Variants in ARSG observed in about 807,000 individuals in gnomAD.
ARSG encodes the protein ASG.
Under a neutral mutation model 50.5 loss-of-function variants are expected in ARSG, and 37 were observed. The observed-to-expected ratio is 0.73, with a 90% CI of 0.56 to 0.96. The LOEUF (loss-of-function observed/expected upper bound fraction) is 0.96. Ranked by LOEUF, ARSG falls within the 50% of genes least tolerant of loss-of-function variation. ARSG has a pLI of 0.00. For missense variants in ARSG, 629 were observed against 675.3 expected (o/e 0.93, Z 0.76); for synonymous variants, 225 against 254.6 (o/e 0.88, Z 1.11).
chr17:68,336,101 G>A (rs926700996), intron 2 of ARSG, among the ~76,000 whole-genome samples: 1 of 151,536 alleles, frequency 6.6e-6, no homozygotes, highest in Admixed American at 6.6e-5. Context: ...GTTTCACTAC[G>A]TTGGCCAGGA....
intron 2 of ARSG, among the ~76,000 whole-genome samples, chr17:68,331,788 C>G (rs1041955638): frequency 2.6e-5 from 4 of 151,964 alleles, no homozygotes. Context: ...GCTGGGTGTC[C>G]GGGGGAGACA....
chr17:68,354,266 C>G (rs1183832449), intron 5 of ARSG, among the ~76,000 whole-genome samples: 1 of 151,104 alleles, frequency 6.6e-6, no homozygotes, highest in Non-Finnish European at 1.5e-5. Context: ...ACAGAAAATA[C>G]AAAAATTAGC....
intron 2 of ARSG, among the ~76,000 whole-genome samples, chr17:68,314,754 G>A (rs1555767938): frequency 6.6e-6 from 1 of 152,082 alleles, no homozygotes; most frequent in Non-Finnish European, 1.5e-5. Flanking sequence ...TTAGCATAGA[G>A]CCTAGCATAC....
downstream of ARSG, chr17:68,426,225 T>C (rs766614275): frequency 4.8e-6 from 5 of 1,034,928 alleles, no homozygotes; most frequent in East Asian, 1.4e-4. Flanking sequence ...TCTGCTTTTA[T>C]GCCATGACCT....
the ARSG span, among the ~76,000 whole-genome samples, chr17:68,442,874 G>A: frequency 6.6e-6 from 1 of 152,154 alleles, no homozygotes. Flanking sequence ...ACTAGATTTT[G>A]GGCTCCTGGT....
At position 68,385,054 on chromosome 17, in the gene ARSG, C is replaced by T. The variant is rs757073900; in HGVS notation, c.983-10C>T. 1 of 1,611,080 alleles carries T rather than the reference C, an allele frequency of 6.2e-7. No individual in the cohort carries two copies. Among genetic ancestry groups the T allele is most frequent in the Admixed American group, 1.7e-5 (1 of 60,004 alleles). Reference sequence around the variant, plus strand: ...CATGGATGAACCAGCTGCCTCCCCTCCTCTCACAGGGGGAAGTCCAGCCAA... The same window carrying T: ...CATGGATGAACCAGCTGCCTCCCCTTCTCTCACAGGGGGAAGTCCAGCCAA... On this transcript the variant is annotated splice_polypyrimidine_tract_variant and intron_variant, in intron 8 of 11. Transcript: ENST00000621439.
chr17:68,375,443 T>A (rs980790899), intron 8 of ARSG, among the ~76,000 whole-genome samples: 1 of 152,186 alleles, frequency 6.6e-6, no homozygotes, highest in African/African-American at 2.4e-5. Flanking sequence ...CAGGAATCTG[T>A]GTTTAAACAA....
chr17:68,269,037 G>T, intron 1 of ARSG: 1 of 1,592,754 alleles, frequency 6.3e-7, no homozygotes, highest in South Asian at 1.1e-5. Flanking sequence ...TTGTGTCCCC[G>T]TTGGGCCCAC....
At chr17:68,264,337 T>G (rs548170592) in intron 1 of ARSG, among the ~76,000 whole-genome samples, 2 of 152,360 alleles carry the variant, frequency 1.3e-5, no homozygotes, top group African/African-American at 4.8e-5. Context: ...GCTGAAAAGC[T>G]ACATTACATA....
intron 1 of ARSG, among the ~76,000 whole-genome samples, chr17:68,300,496 T>C (rs1408557916): frequency 6.6e-6 from 1 of 152,218 alleles, no homozygotes; most frequent in Non-Finnish European, 1.5e-5. Flanking sequence ...ATTTCAGACA[T>C]TGACCTGGAG....
chr17:68,413,070 C>T (rs1345381882), intron 11 of ARSG, among the ~76,000 whole-genome samples: 2 of 151,904 alleles, frequency 1.3e-5, no homozygotes, highest in Admixed American at 1.3e-4. Context: ...GTTTGAATGT[C>T]CTCCCATAGC....
At chr17:68,332,514 G>A (rs2077822243) in intron 2 of ARSG, among the ~76,000 whole-genome samples, 1 of 152,130 alleles carries the variant, frequency 6.6e-6, no homozygotes, top group Admixed American at 6.6e-5. Context: ...TATTGATTGG[G>A]GAAGTGATAA....
intron 6 of ARSG, among the ~76,000 whole-genome samples, chr17:68,364,693 A>G (rs1301419165): frequency 2.2e-4 from 33 of 152,212 alleles, no homozygotes; most frequent in Admixed American, 2.2e-3. Context: ...GCCTCATTCT[A>G]TGCTGGTGCA....
At chr17:68,318,086 C>T (rs1156677480) in intron 2 of ARSG, among the ~76,000 whole-genome samples, 1 of 130,584 alleles carries the variant, frequency 7.7e-6, no homozygotes, top group African/African-American at 3.0e-5. Flanking sequence ...GCGACAAGAG[C>T]GAGACTCTGT....
intron 8 of ARSG, among the ~76,000 whole-genome samples, chr17:68,383,868 T>C (rs2080565767): frequency 6.6e-6 from 1 of 152,210 alleles, no homozygotes; most frequent in Non-Finnish European, 1.5e-5. Flanking sequence ...CCCCACACCC[T>C]TAAACATAAA....
chr17:68,436,462 TAGAG>T, the ARSG span: 5 of 1,613,738 alleles, frequency 3.1e-6, no homozygotes, highest in East Asian at 6.7e-5. Context: ...GAATGGTTGA[TAGAG>T]AGAGCACATA....
intron 1 of ARSG, among the ~76,000 whole-genome samples, chr17:68,263,946 C>T (rs1253215087): frequency 6.6e-6 from 1 of 152,166 alleles, no homozygotes; most frequent in Non-Finnish European, 1.5e-5. Flanking sequence ...CAACCTCCAC[C>T]TCCCAGGTTC....
rs757584389 is a variant in ARSG, at chr17:68,343,618, A to ATGCAGCTGCC, written c.235_244dup (p.Ser82CysfsTer76). ...TTTCCCTGCAGGTTTGTGGATTTCC[A>ATGCAGCTGCC]TGCAGCTGCCTCCACCTGCTCACCC... On this transcript the variant is annotated frameshift_variant, in exon 3 of 12. Coordinates refer to ENST00000621439, the MANE Select transcript of ARSG (RefSeq NM_001267727.2). LOFTEE classifies it high-confidence loss of function. The ATGCAGCTGCC allele has an allele frequency of 6.2e-7, 1 of 1,609,876 alleles. No individual in the cohort carries two copies. Among genetic ancestry groups the ATGCAGCTGCC allele is most frequent in the African/African-American group, 1.3e-5 (1 of 74,838 alleles).
At chr17:68,317,549 C>T (rs1179814366) in intron 2 of ARSG, among the ~76,000 whole-genome samples, 1 of 151,464 alleles carries the variant, frequency 6.6e-6, no homozygotes, top group Non-Finnish European at 1.5e-5. Flanking sequence ...TCGTTTAGGG[C>T]CCCCAGTGTT....
Sources: gnomAD v4.1 joint callset for allele counts (sites outside exome capture counted in the v4.1 genomes callset) on GRCh38, gnomAD v4.1.1 for gene constraint, MANE v1.5 for transcripts, NCBI Gene and HGNC (gene_info 2026-07-23, HGNC 2026-07-21) for gene names.